The following TAFA4 variants were observed in gnomAD, a reference collection of about 807,000 sequenced individuals.
The protein encoded by TAFA4 is chemokine-like protein TAFA-4.
In TAFA4, 20 loss-of-function variants were observed where a neutral mutation model predicts 21.1. The observed-to-expected ratio is 0.95, with a 90% confidence interval of 0.67 to 1.38. The LOEUF is 1.38. Ranked by LOEUF, TAFA4 falls within the 40% of genes most tolerant of loss-of-function variation. The pLI is 0.00. For synonymous variants in TAFA4, 71 were observed against 67.4 expected (o/e 1.05, Z -0.26); for missense variants, 211 against 180.9 (o/e 1.17, Z -0.95).
intron 3 of TAFA4, among the ~76,000 whole-genome samples, chr3:68,843,964 T>C (rs898771445): frequency 2.6e-5 from 4 of 152,240 alleles, no homozygotes; most frequent in Non-Finnish European, 5.9e-5. Context: ...TCAGGGATAA[T>C]GGCCTGAAAT....
chr3:68,860,631 A>G (rs2089324024), intron 3 of TAFA4, among the ~76,000 whole-genome samples: 2 of 151,992 alleles, frequency 1.3e-5, no homozygotes, highest in South Asian at 2.1e-4. Flanking sequence ...TGAATGGAAA[A>G]CCTCTTATAT....
chr3:68,806,856 C>T (rs1297271571), intron 3 of TAFA4, among the ~76,000 whole-genome samples: 2 of 152,146 alleles, frequency 1.3e-5, no homozygotes, highest in East Asian at 3.9e-4. Flanking sequence ...GGCTTCCAGG[C>T]TCCAGAACTG....
At chr3:68,891,916 A>G (rs548595181) in intron 1 of TAFA4, among the ~76,000 whole-genome samples, 26 of 152,222 alleles carry the variant, frequency 1.7e-4, no homozygotes, top group Admixed American at 6.5e-4. Flanking sequence ...AAATCTGCAA[A>G]CAGCTTTTCC....
rs187728416 is a variant in TAFA4 at position 68,839,701 on chromosome 3, T to A, written c.130+41029A>T. Among the ~76,000 whole-genome samples, 42 of 152,272 alleles carry A rather than the reference T, an allele frequency of 2.8e-4. No individual in the cohort carries two copies. In the East Asian group the frequency reaches 6.8e-3, roughly 25 times the overall value. On this transcript the variant is annotated intron_variant, in intron 3 of 5. Coordinates refer to ENST00000295569, the MANE Select transcript of TAFA4 (RefSeq NM_182522.5). The stretch of plus-strand genomic sequence containing the variant: ...TGCTTTCCAACCTCTTCTTAATCCA[T>A]TAGAGGAGTTAACTTTGAGATGAGT...
At chr3:68,859,229 AC>A (rs2089298525) in intron 3 of TAFA4, among the ~76,000 whole-genome samples, 2 of 152,232 alleles carry the variant, frequency 1.3e-5, no homozygotes, top group Admixed American at 6.5e-5. Context: ...CTTTGCTTCA[AC>A]CCAGGCCTTG....
intron 3 of TAFA4, among the ~76,000 whole-genome samples, chr3:68,835,952 C>G (rs964927916): frequency 6.6e-6 from 1 of 152,160 alleles, no homozygotes; most frequent in African/African-American, 2.4e-5. Context: ...TACCAAATTG[C>G]CCTTTCACTT....
At chr3:68,753,768 A>C (rs71312526) in intron 3 of TAFA4, among the ~76,000 whole-genome samples, 4 of 152,186 alleles carry the variant, frequency 2.6e-5, no homozygotes, top group Non-Finnish European at 5.9e-5. Flanking sequence ...TGGAGGGGCC[A>C]CATGTCAAGG....
chr3:68,810,084 G>T (rs1292478619), intron 3 of TAFA4, among the ~76,000 whole-genome samples: 1 of 152,122 alleles, frequency 6.6e-6, no homozygotes, highest in East Asian at 1.9e-4. Flanking sequence ...ATGAATTTTA[G>T]AATTCTTTTT....
intron 4 of TAFA4, among the ~76,000 whole-genome samples, chr3:68,748,124 C>G (rs1037998342): frequency 2.6e-5 from 4 of 152,222 alleles, no homozygotes; most frequent in Non-Finnish European, 5.9e-5. Context: ...ACTCTGAGTT[C>G]CTTGAAACCA....
intron 3 of TAFA4, among the ~76,000 whole-genome samples, chr3:68,807,457 C>T (rs886519284): frequency 6.6e-6 from 1 of 152,178 alleles, no homozygotes; most frequent in African/African-American, 2.4e-5. Context: ...AAACATGGGG[C>T]ATTGTAGCTT....
rs981200338 is a variant in TAFA4, at chr3:68,895,043, A to C, written c.-122-9733T>G. Among the ~76,000 whole-genome samples, 5 of 151,100 alleles carry C rather than the reference A, an allele frequency of 3.3e-5. No homozygotes were observed. In the East Asian group the frequency reaches 9.8e-4, roughly 30 times the overall value. ...TAATTTTTTTTTTTCTTTTAGATGG[A>C]GTCTCACTCTATCGCCCAGGCTCGG... On this transcript the variant is annotated intron_variant, in intron 1 of 5. Coordinates refer to ENST00000295569, the MANE Select transcript of TAFA4 (RefSeq NM_182522.5).
intron 1 of TAFA4, among the ~76,000 whole-genome samples, chr3:68,891,118 C>T (rs2089725662): frequency 1.3e-5 from 2 of 152,146 alleles, no homozygotes. Context: ...ATAGAACTCT[C>T]TAAAACGTTT....
intron 3 of TAFA4, among the ~76,000 whole-genome samples, chr3:68,816,326 T>A (rs541477864): frequency 6.6e-6 from 1 of 152,128 alleles, no homozygotes; most frequent in South Asian, 2.1e-4. Flanking sequence ...TAAAAAAAAA[T>A]AGTAATTCTT....
intron 1 of TAFA4, among the ~76,000 whole-genome samples, chr3:68,888,093 A>AC (rs1346186962): frequency 3.3e-5 from 5 of 152,086 alleles, no homozygotes; most frequent in African/African-American, 1.2e-4. Context: ...GCCATGCAGC[A>AC]CCTTGAACAC....
At chr3:68,928,151 TA>T (rs942453170) in intron 1 of TAFA4, among the ~76,000 whole-genome samples, 3 of 152,206 alleles carry the variant, frequency 2.0e-5, no homozygotes, top group Non-Finnish European at 4.4e-5. Context: ...GCTTTTGAAT[TA>T]AAAAGAATGA....
intron 1 of TAFA4, among the ~76,000 whole-genome samples, chr3:68,896,998 G>A (rs1220521715): frequency 6.6e-6 from 1 of 152,190 alleles, no homozygotes; most frequent in Admixed American, 6.5e-5. Context: ...CCGCCTCCGG[G>A]TTTAAGTGAT....
intron 1 of TAFA4, among the ~76,000 whole-genome samples, chr3:68,887,458 C>G (rs994176200): frequency 2.0e-5 from 3 of 152,108 alleles, no homozygotes; most frequent in South Asian, 2.1e-4. Flanking sequence ...TCGGGAGTCT[C>G]TGGGGTAGCC....
At chr3:68,774,668 T>C (rs746663277) in intron 3 of TAFA4, among the ~76,000 whole-genome samples, 8 of 152,204 alleles carry the variant, frequency 5.3e-5, no homozygotes, top group Admixed American at 2.0e-4. Context: ...AAATGCTATA[T>C]ATCAAAATAC....
chr3:68,902,733 T>C (rs985900247), intron 1 of TAFA4, among the ~76,000 whole-genome samples: 5 of 152,142 alleles, frequency 3.3e-5, no homozygotes, highest in Admixed American at 6.6e-5. Context: ...TATTAACATG[T>C]TTCCCTTATA....
Sources: allele counts gnomAD v4.1 joint callset (sites outside exome capture counted in the v4.1 genomes callset), GRCh38; gene constraint gnomAD v4.1.1; transcripts MANE v1.5; gene names NCBI Gene and HGNC (gene_info 2026-07-23, HGNC 2026-07-21).